Variants in PCSK5 observed in about 807,000 individuals in gnomAD.
PCSK5 encodes the protein prohormone convertase 5.
A neutral mutation model predicts 233.2 loss-of-function variants in PCSK5; 129 were observed. The ratio of observed to expected loss-of-function variants is 0.55; its 90% CI spans 0.48 to 0.64. The LOEUF (loss-of-function observed/expected upper bound fraction) is 0.64, where lower values mean the gene tolerates loss of function less well. Among genes scored for constraint, PCSK5 ranks in the 30% least tolerant of loss-of-function variants. The pLI is 0.00. For missense variants in PCSK5, 2,076 were observed against 2,430.1 expected, an observed-to-expected ratio of 0.85 and a Z score of 3.06; for synonymous variants, 825 against 879.2, an observed-to-expected ratio of 0.94 and a Z score of 1.09.
At chr9:76,092,126 G>A (rs1193971606) in intron 7 of PCSK5, among the ~76,000 whole-genome samples, 1 of 152,078 alleles carries the variant, frequency 6.6e-6, no homozygotes, top group Non-Finnish European at 1.5e-5. Context: ...AGGGGACTTG[G>A]GGGTTGGAAA....
chr9:76,089,141 C>A (rs1228999522), intron 7 of PCSK5, among the ~76,000 whole-genome samples: 1 of 152,034 alleles, frequency 6.6e-6, no homozygotes, highest in Non-Finnish European at 1.5e-5. Flanking sequence ...TTCCCCTTAT[C>A]CCTGGATCCC....
chr9:76,079,250 C>G (rs1276295820), intron 7 of PCSK5, among the ~76,000 whole-genome samples: 2 of 151,626 alleles, frequency 1.3e-5, no homozygotes, highest in Non-Finnish European at 2.9e-5. Context: ...ACTACAGGTG[C>G]GCACTACCGT....
intron 3 of PCSK5, among the ~76,000 whole-genome samples, chr9:75,990,911 T>A (rs1826740462): frequency 6.6e-6 from 1 of 152,190 alleles, no homozygotes; most frequent in African/African-American, 2.4e-5. Flanking sequence ...GTGTAGTATG[T>A]GGTAAATGCT....
chr9:75,939,863 A>G (rs1230461404), intron 2 of PCSK5, among the ~76,000 whole-genome samples: 1 of 152,124 alleles, frequency 6.6e-6, no homozygotes, highest in African/African-American at 2.4e-5. Flanking sequence ...CAAGACTAAG[A>G]CAGTGTCACT....
chr9:75,912,918 T>C (rs1822811783), intron 1 of PCSK5, among the ~76,000 whole-genome samples: 1 of 152,214 alleles, frequency 6.6e-6, no homozygotes, highest in Non-Finnish European at 1.5e-5. Flanking sequence ...AGATCCTTTC[T>C]AGAATGAACC....
intron 17 of PCSK5, among the ~76,000 whole-genome samples, chr9:76,184,981 T>C (rs915269744): frequency 6.6e-6 from 1 of 152,222 alleles, no homozygotes; most frequent in African/African-American, 2.4e-5. Flanking sequence ...ATAAATTCTC[T>C]TTAGAAAAGA....
At chr9:76,314,578 A>G (rs1828964295) in intron 30 of PCSK5, among the ~76,000 whole-genome samples, 1 of 152,194 alleles carries the variant, frequency 6.6e-6, no homozygotes, top group Non-Finnish European at 1.5e-5. Flanking sequence ...AGAGTTATTT[A>G]TAAGTTAGCA....
chr9:76,175,291 C>CGAATCGAATAGAATA lies in PCSK5; in HGVS notation c.1900+166_1900+167insCGAATAGAATAGAAT, dbSNP rs71372053. ...GGAATGGAATCGAATCGAATCGAATCGAATAGAATAGAATAGAATAGAACA... is the reference window on the plus strand; with the variant it reads ...GGAATGGAATCGAATCGAATCGAATCGAATCGAATAGAATAGAATAGAATAGAATAGAATAGAACA... On this transcript the variant is annotated intron_variant, in intron 14 of 37. Transcript: ENST00000674117. 640 of 526,606 alleles carry CGAATCGAATAGAATA rather than the reference C, an allele frequency of 1.2e-3. 6 individuals carry two copies. The highest frequency in any genetic ancestry group is 2.4e-3 in the African/African-American group (100 of 40,938). The allele number at this position is 526,606 out of a possible 1,614,324, so 32.6% of individuals were successfully genotyped here. A position where few individuals can be genotyped will look rare whatever the true frequency, so the allele number is the denominator to read the frequency against.
At chr9:76,161,085 A>C (rs569597193) in intron 12 of PCSK5, among the ~76,000 whole-genome samples, 10 of 152,238 alleles carry the variant, frequency 6.6e-5, no homozygotes, top group African/African-American at 2.4e-4. Flanking sequence ...GGAATCTGAA[A>C]TCTTCATGTG....
chr9:76,198,570 G>C (rs1184305737), intron 20 of PCSK5, among the ~76,000 whole-genome samples: 1 of 152,172 alleles, frequency 6.6e-6, no homozygotes, highest in East Asian at 1.9e-4. Flanking sequence ...TTTTAAGAGT[G>C]CTGGAGAAAA....
At chr9:76,326,578 C>A (rs3001774) in intron 32 of PCSK5, among the ~76,000 whole-genome samples, 6,542 of 152,218 alleles carry the variant, frequency 0.043, 163 homozygotes, top group South Asian at 0.075. Context: ...CCTGATACTA[C>A]TTAGCGTAAG....
intron 1 of PCSK5, among the ~76,000 whole-genome samples, chr9:75,903,459 T>C (rs1202472600): frequency 1.3e-5 from 2 of 151,282 alleles, no homozygotes; most frequent in Non-Finnish European, 2.9e-5. Context: ...CTAGTTAAGA[T>C]TTGAACCTAG....
chr9:75,934,994 A>G (rs80296107), intron 2 of PCSK5, among the ~76,000 whole-genome samples: 2 of 152,112 alleles, frequency 1.3e-5, no homozygotes, highest in Non-Finnish European at 2.9e-5. Context: ...AGATTCCCCA[A>G]ATGTTAATGT....
intron 20 of PCSK5, among the ~76,000 whole-genome samples, chr9:76,206,988 G>A (rs963447274): frequency 1.3e-5 from 2 of 152,082 alleles, no homozygotes; most frequent in Non-Finnish European, 2.9e-5. Flanking sequence ...AGCTTCTAGA[G>A]CTGCATTCCT....
intron 30 of PCSK5, among the ~76,000 whole-genome samples, chr9:76,319,357 T>G (rs202094272): frequency 4.0e-3 from 544 of 136,048 alleles, no homozygotes; most frequent in African/African-American, 6.6e-3. Context: ...AGAATAAGAA[T>G]AGTCATAATA....
At chr9:76,344,695 A>G (rs895322459) in intron 35 of PCSK5, among the ~76,000 whole-genome samples, 1 of 152,076 alleles carries the variant, frequency 6.6e-6, no homozygotes, top group African/African-American at 2.4e-5. Context: ...TCATTACTGG[A>G]TGTGTGGGAC....
chr9:76,175,921 A>T lies in PCSK5; in HGVS notation c.1900+792A>T, dbSNP rs527788284. 8.0e-4 allele frequency among the ~76,000 whole-genome samples: 122 copies of T among 152,212 alleles called. 1 individual carries two copies. Among genetic ancestry groups the T allele is most frequent in the African/African-American group, 2.8e-3 (116 of 41,550 alleles). ...ACAGTAATCCTCTTATCTCCTTGTG[A>T]ACACTCTGTATGTTATTGTCTCTCA... On this transcript the variant is annotated intron_variant, in intron 14 of 37. Coordinates refer to ENST00000674117, the MANE Select transcript of PCSK5 (RefSeq NM_001372043.1).
At chr9:76,040,669 A>G (rs1264567421) in intron 5 of PCSK5, among the ~76,000 whole-genome samples, 1 of 152,076 alleles carries the variant, frequency 6.6e-6, no homozygotes, top group Non-Finnish European at 1.5e-5. Context: ...CTCCAAACCC[A>G]TGTTCCTTGT....
At chr9:75,962,515 T>A (rs1248340807) in intron 2 of PCSK5, among the ~76,000 whole-genome samples, 1 of 152,140 alleles carries the variant, frequency 6.6e-6, no homozygotes, top group East Asian at 1.9e-4. Flanking sequence ...ACTGTTGCAT[T>A]TTGACAACTG....
Sources: allele counts gnomAD v4.1 joint callset (sites outside exome capture counted in the v4.1 genomes callset), GRCh38; gene constraint gnomAD v4.1.1; transcripts MANE v1.5; gene names NCBI Gene and HGNC (gene_info 2026-07-23, HGNC 2026-07-21).